Variants in PTPRD observed in about 807,000 individuals in gnomAD.
The protein encoded by PTPRD is protein tyrosine phosphatase receptor type D.
In PTPRD, 34 loss-of-function variants were observed where a neutral mutation model predicts 214.5. The ratio of observed to expected loss-of-function variants is 0.16; its 90% CI spans 0.12 to 0.21. The LOEUF (loss-of-function observed/expected upper bound fraction) is 0.21. Among genes scored for constraint, PTPRD ranks in the 10% least tolerant of loss-of-function variants. The probability of loss-of-function intolerance (pLI) is 1.00; values close to 1 mark genes in which losing one functional copy is unlikely to be tolerated. For missense variants in PTPRD, 2,545 were observed against 2,398.7 expected, an observed-to-expected ratio of 1.06 and a Z score of -1.27; for synonymous variants, 1,128 against 845.7, an observed-to-expected ratio of 1.33 and a Z score of -5.79.
At chr9:8,422,552 A>T (rs2094437224) in intron 35 of PTPRD, among the ~76,000 whole-genome samples, 1 of 152,166 alleles carries the variant, frequency 6.6e-6, no homozygotes, top group Non-Finnish European at 1.5e-5. Flanking sequence ...CTCTACAGTA[A>T]AATAACAGCA....
intron 8 of PTPRD, among the ~76,000 whole-genome samples, chr9:9,477,107 A>G (rs1217410129): frequency 6.6e-6 from 1 of 152,196 alleles, no homozygotes; most frequent in African/African-American, 2.4e-5. Flanking sequence ...TCATTAAGTG[A>G]GTGATTCAGC....
intron 9 of PTPRD, among the ~76,000 whole-genome samples, chr9:9,247,639 C>T (rs987471254): frequency 3.3e-5 from 5 of 152,028 alleles, no homozygotes; most frequent in African/African-American, 1.2e-4. Flanking sequence ...AAAGCCTCTC[C>T]AATACAAGGC....
chr9:8,710,530 C>CA (rs2098310280), intron 12 of PTPRD, among the ~76,000 whole-genome samples: 1 of 152,118 alleles, frequency 6.6e-6, no homozygotes, highest in African/African-American at 2.4e-5. Context: ...GTGGGAGGAT[C>CA]ACCTGAGCCC....
At chr9:8,676,378 ATT>A (rs559455727) in intron 12 of PTPRD, among the ~76,000 whole-genome samples, 2,659 of 111,552 alleles carry the variant, frequency 0.024, 29 homozygotes, top group African/African-American at 0.041. Context: ...GCTCATTTTC[ATT>A]TTTTTTTTTT....
intron 5 of PTPRD, among the ~76,000 whole-genome samples, chr9:9,906,366 T>C (rs980522769): frequency 6.6e-6 from 1 of 151,968 alleles, no homozygotes; most frequent in South Asian, 2.1e-4. Context: ...TACTCAATTG[T>C]TATCGTTGTC....
chr9:9,367,931 CAT>C (rs549502789), intron 9 of PTPRD, among the ~76,000 whole-genome samples: 47 of 151,866 alleles, frequency 3.1e-4, no homozygotes, highest in African/African-American at 1.0e-3. Context: ...TACTAGCACA[CAT>C]GAGTGCCCAA....
chr9:8,869,991 G>A (rs750691373), intron 11 of PTPRD, among the ~76,000 whole-genome samples: 4 of 152,052 alleles, frequency 2.6e-5, no homozygotes, highest in South Asian at 2.1e-4. Flanking sequence ...GGACATTGTA[G>A]TACAAACCCA....
intron 12 of PTPRD, among the ~76,000 whole-genome samples, chr9:8,645,163 G>C (rs1266759725): frequency 6.6e-6 from 1 of 152,166 alleles, no homozygotes; most frequent in African/African-American, 2.4e-5. Flanking sequence ...CCATACTACA[G>C]CAATTATTTT....
chr9:9,078,416 G>T (rs563844616), intron 10 of PTPRD, among the ~76,000 whole-genome samples: 1 of 151,994 alleles, frequency 6.6e-6, no homozygotes, highest in East Asian at 1.9e-4. Context: ...TTGAATGTGG[G>T]TGTGCTTTCA....
intron 3 of PTPRD, among the ~76,000 whole-genome samples, chr9:10,184,429 T>TATAA (rs760678724): frequency 2.2e-4 from 34 of 151,908 alleles, no homozygotes; most frequent in East Asian, 1.2e-3. Context: ...CATTAAAAAA[T>TATAA]ATAAATAAAT....
At chr9:9,573,988 C>A (rs993737753) in intron 8 of PTPRD, among the ~76,000 whole-genome samples, 2 of 151,692 alleles carry the variant, frequency 1.3e-5, no homozygotes, top group Non-Finnish European at 3.0e-5. Flanking sequence ...ATGTATGATA[C>A]AAATGCCCAC....
chr9:9,506,625 C>CT (rs1210233189), intron 8 of PTPRD, among the ~76,000 whole-genome samples: 1 of 151,242 alleles, frequency 6.6e-6, no homozygotes, highest in South Asian at 2.1e-4. Context: ...CAGCATATTC[C>CT]TTTTTTTAAA....
intron 8 of PTPRD, among the ~76,000 whole-genome samples, chr9:9,425,874 G>GA (rs111451563): frequency 2.0e-5 from 3 of 151,894 alleles, no homozygotes; most frequent in Non-Finnish European, 1.5e-5. Flanking sequence ...ATAATGTGAA[G>GA]AAAAAATGAA....
intron 10 of PTPRD, among the ~76,000 whole-genome samples, chr9:9,174,246 T>C (rs1016720685): frequency 6.6e-6 from 1 of 152,116 alleles, no homozygotes; most frequent in African/African-American, 2.4e-5. Context: ...GCAGGTACCA[T>C]TTTTTGTATC....
chr9:10,481,314 A>C (rs2099096338), intron 2 of PTPRD, among the ~76,000 whole-genome samples: 2 of 151,824 alleles, frequency 1.3e-5, no homozygotes, highest in South Asian at 4.1e-4. Context: ...AAAAAGTAAA[A>C]CAAAACAAAA....
chr9:8,538,318 G>C (rs1218484755), intron 14 of PTPRD, among the ~76,000 whole-genome samples: 1 of 151,578 alleles, frequency 6.6e-6, no homozygotes, highest in Non-Finnish European at 1.5e-5. Context: ...TTTTATTCTT[G>C]TTTTTTAGAA....
In PTPRD at chr9:8,929,779, G is replaced by A. The variant is rs62529104; in HGVS notation, c.-104+88918C>T. 5.4e-5 allele frequency among the ~76,000 whole-genome samples: 3 copies of A among 55,766 alleles called. 1 individual carries two copies. The highest frequency in any genetic ancestry group is 2.5e-4 in the African/African-American group (3 of 12,238). 36.6% of individuals were successfully genotyped at this position (55,766 alleles called of 152,430 possible). ...TATGTATATATATGTGTATATATATGGGTGTGTATATATGTGTGTGTATAT... is the reference window on the plus strand; with the variant it reads ...TATGTATATATATGTGTATATATATAGGTGTGTATATATGTGTGTGTATAT... On this transcript the variant is annotated intron_variant, in intron 11 of 45. Transcript: ENST00000381196.
chr9:9,838,453 T>A (rs1262770857), intron 5 of PTPRD, among the ~76,000 whole-genome samples: 3 of 152,144 alleles, frequency 2.0e-5, no homozygotes, highest in Non-Finnish European at 4.4e-5. Flanking sequence ...TTTTTAATGA[T>A]TGCCATTCTA....
At chr9:9,501,265 C>T (rs1451823236) in intron 8 of PTPRD, among the ~76,000 whole-genome samples, 1 of 151,622 alleles carries the variant, frequency 6.6e-6, no homozygotes, top group African/African-American at 2.4e-5. Flanking sequence ...ACAAGTTACA[C>T]CTTAAATTTT....
Sources: gnomAD v4.1 joint callset for allele counts (sites outside exome capture counted in the v4.1 genomes callset) on GRCh38, gnomAD v4.1.1 for gene constraint, MANE v1.5 for transcripts, NCBI Gene and HGNC (gene_info 2026-07-23, HGNC 2026-07-21) for gene names.